ARAP1: variants seen among roughly 807,000 people sequenced by gnomAD.
ARAP1 encodes arf-GAP with Rho-GAP domain, ANK repeat and PH domain-containing protein 1.
A neutral mutation model predicts 172.2 loss-of-function variants in ARAP1; 76 were observed. The ratio of observed to expected loss-of-function variants is 0.44; its 90% CI spans 0.37 to 0.53. ARAP1 has a LOEUF of 0.53. ARAP1 is among the 20% of genes least tolerant of loss of function. The pLI is 0.00. For synonymous variants in ARAP1, 804 were observed against 803.3 expected (o/e 1.00, Z -0.01); for missense variants, 1,686 against 1,977.5 (o/e 0.85, Z 2.80).
In ARAP1 at chr11:72,727,208, G is replaced by C. The variant is rs1029130980; in HGVS notation, c.-44-36C>G. 69 of 1,452,168 alleles carry C rather than the reference G, an allele frequency of 4.8e-5. 3 individuals carry two copies. In the South Asian group the frequency reaches 8.9e-4, roughly 19 times the overall value. The allele number at this position is 1,452,168 out of a possible 1,614,324, so 90.0% of individuals were successfully genotyped here. A position where few individuals can be genotyped will look rare whatever the true frequency, so the allele number is the denominator to read the frequency against. On this transcript the variant is annotated intron_variant, in intron 2 of 34. Coordinates refer to ENST00000393609, the MANE Select transcript of ARAP1 (RefSeq NM_001040118.3). ...CAGACAGGCACAGGTCAGAGGCAGG[G>C]CTGCCGAGGATTGGTCCCCTCACCA...
At chr11:72,700,705 T>A (rs1158485773) in intron 16 of ARAP1, among the ~76,000 whole-genome samples, 1 of 152,178 alleles carries the variant, frequency 6.6e-6, no homozygotes, top group African/African-American at 2.4e-5. Context: ...GTAAGTGGTG[T>A]GAAGAAAATG....
At position 72,710,391 on chromosome 11, in the gene ARAP1, A is replaced by G. The variant is rs1414645254; in HGVS notation, c.1410T>C (p.Asn470=). The G allele has an allele frequency of 1.2e-6, 2 of 1,613,800 alleles. No homozygotes were observed. The highest frequency in any genetic ancestry group is 8.5e-7 in the Non-Finnish European group (1 of 1,179,932). Reference sequence around the variant, plus strand: ...TTCCATGACCCCTTAGCACCTCTAGATTCTTGTAGAGCTGCACTTTGTCCC... The same window carrying G: ...TTCCATGACCCCTTAGCACCTCTAGGTTCTTGTAGAGCTGCACTTTGTCCC... ...VVGDKVQLYK[N]LEEYHLGIGI... The change falls in exon 10 of 35, where the codon AAT becomes AAC. Residue 470 remains asparagine (N), a synonymous_variant. Transcript: ENST00000393609. This position sits in a 1 kb window ranked among gnomAD's most constrained non-coding sequence, Gnocchi z 4.3.
chr11:72,740,885 C>G (rs1445741627), intron 1 of ARAP1, among the ~76,000 whole-genome samples: 4 of 152,164 alleles, frequency 2.6e-5, no homozygotes, highest in Middle Eastern at 3.2e-3. Flanking sequence ...ACCTACCACA[C>G]CTTAAGCCTC....
chr11:72,701,835 T>C (rs761084749), intron 15 of ARAP1, 52 bp from the exon 16 acceptor site: 2 of 1,594,574 alleles, frequency 1.3e-6, no homozygotes, highest in Non-Finnish European at 1.7e-6. Context: ...CAAGAGGGTG[T>C]CCCCACCTCA....
chr11:72,712,594 A>C, intron 5 of ARAP1, 26 bp from the exon 6 acceptor site: 2 of 1,609,564 alleles, frequency 1.2e-6, no homozygotes, highest in Non-Finnish European at 1.7e-6. Flanking sequence ...ACTCAGCGTC[A>C]TCCTTCCCTT....
chr11:72,723,577 G>T (rs552334254), intron 3 of ARAP1, among the ~76,000 whole-genome samples: 1 of 152,314 alleles, frequency 6.6e-6, no homozygotes, highest in South Asian at 2.1e-4. Context: ...GGATGACGTA[G>T]GTTGGGTAGT....
chr11:72,685,261 C>G lies in ARAP1; in HGVS notation c.*403G>C, dbSNP rs1055487054. 2 of 235,192 alleles carry G rather than the reference C, an allele frequency of 8.5e-6. No homozygotes were observed. The highest frequency in any genetic ancestry group is 8.5e-6 in the Non-Finnish European group (1 of 118,058). 14.6% of individuals were successfully genotyped at this position (235,192 alleles called of 1,614,324 possible). A position where few individuals can be genotyped will look rare whatever the true frequency, so the allele number is the denominator to read the frequency against. ...GAGCTGAGTGCTCCTCTACAGCACC[C>G]GCTTTCTGCTGTTCTGGAGTTTGTT... is the stretch of plus-strand genomic sequence containing the variant. On this transcript the variant is annotated 3_prime_UTR_variant, in exon 35 of 35. Transcript: ENST00000393609.
In ARAP1 at chr11:72,726,405, G is replaced by T. The variant is rs185138681; in HGVS notation, c.509+215C>A. Reference sequence around the variant, plus strand: ...AAACCTGGAGGCCTCACTGGCACACGCCCAGCAGCCCAGGCACTGCGCTGA... The same window carrying T: ...AAACCTGGAGGCCTCACTGGCACACTCCCAGCAGCCCAGGCACTGCGCTGA... On this transcript the variant is annotated intron_variant, in intron 3 of 34. Transcript: ENST00000393609. This position sits in a 1 kb window ranked among gnomAD's most constrained non-coding sequence, Gnocchi z 6.5. 1.3e-5 allele frequency among the ~76,000 whole-genome samples: 2 copies of T among 152,138 alleles called. 1 individual carries two copies. The highest frequency in any genetic ancestry group is 3.9e-4 in the East Asian group (2 of 5,186).
In ARAP1 at chr11:72,699,643, G is replaced by T. The variant is rs1052509505; in HGVS notation, c.2303-91C>A. The T allele has an allele frequency of 1.9e-4, 289 of 1,491,100 alleles. No individual in the cohort carries two copies. Among genetic ancestry groups the T allele is most frequent in the South Asian group, 3.8e-5 (3 of 79,282 alleles). The allele number at this position is 1,491,100 out of a possible 1,614,324, so 92.4% of individuals were successfully genotyped here. A position where few individuals can be genotyped will look rare whatever the true frequency, so the allele number is the denominator to read the frequency against. On this transcript the variant is annotated intron_variant, in intron 16 of 34. Transcript: ENST00000393609. This position sits in a 1 kb window ranked among gnomAD's most constrained non-coding sequence, Gnocchi z 4.2. Reference sequence around the variant, plus strand: ...CCTCCCGGGGCTCCTGCTCCCATCTGACCCATGAGCTCTTCATTCTCTCAA... The same window carrying T: ...CCTCCCGGGGCTCCTGCTCCCATCTTACCCATGAGCTCTTCATTCTCTCAA...
At position 72,702,984 on chromosome 11, in the gene ARAP1, C is replaced by T; in HGVS notation, c.2088G>A (p.Glu696=). 1 of 1,567,994 alleles carries T rather than the reference C, an allele frequency of 6.4e-7. No individual in the cohort carries two copies. Among genetic ancestry groups the T allele is most frequent in the Non-Finnish European group, 8.6e-7 (1 of 1,158,176 alleles). ...CTGCAAGAGCCAGGGGCGTGGGGGC[C>T]TCAGGGTCCCCCGAGAAGCAGTTGA... ...AGINCFSGDP[E]APTPLALAEQ... Residue 696 remains glutamate (E), a synonymous_variant, in exon 15 of 35, where the codon GAG becomes GAA. Coordinates refer to ENST00000393609, the MANE Select transcript of ARAP1 (RefSeq NM_001040118.3).
In ARAP1 at chr11:72,704,285, T is replaced by C. The variant is rs559550304; in HGVS notation, c.1859A>G (p.Asn620Ser). 8.4e-5 allele frequency: 136 copies of C among 1,611,704 alleles called. 1 individual carries two copies. Among genetic ancestry groups the C allele is most frequent in the Admixed American group, 2.7e-4 (16 of 59,680 alleles). Residue 620 changes from asparagine (N) to serine (S), a missense_variant, in exon 14 of 35, where the codon AAC becomes AGC. By Grantham distance (46) the Asn-to-Ser change is conservative. Around this residue, in one of 5 missense-constraint regions of ARAP1, gnomAD observed 688 missense variants for 856.9 expected, o/e 0.80. Coordinates refer to ENST00000393609, the MANE Select transcript of ARAP1 (RefSeq NM_001040118.3). ...CTGCAGGGCCTCACTGGGGGGCACGTTGGCTGCCCAGAAGCGGTTCCCAGC... is the reference window on the plus strand; with the variant it reads ...CTGCAGGGCCTCACTGGGGGGCACGCTGGCTGCCCAGAAGCGGTTCCCAGC... Reference protein sequence around the residue: ...NGAGNRFWAANVPPSEALQPS... With the variant: ...NGAGNRFWAASVPPSEALQPS...
intron 5 of ARAP1, chr11:72,712,909 C>G (rs1180346295): frequency 8.4e-6 from 5 of 597,146 alleles, no homozygotes; most frequent in African/African-American, 5.6e-5. Flanking sequence ...ACACGAGTTC[C>G]TAACACACAG....
intron 11 of ARAP1, among the ~76,000 whole-genome samples, chr11:72,708,017 G>A (rs924970530): frequency 7.9e-5 from 12 of 151,870 alleles, no homozygotes; most frequent in Admixed American, 1.3e-4. Flanking sequence ...ACCTGTGGCC[G>A]CTATAGCATG....
chr11:72,693,591 G>A lies in ARAP1; in HGVS notation c.3808+101C>T, dbSNP rs1244366262. 3.7e-5 allele frequency: 57 copies of A among 1,528,184 alleles called. No individual in the cohort carries two copies. Among genetic ancestry groups the A allele is most frequent in the Non-Finnish European group, 4.4e-5 (50 of 1,131,706 alleles). 94.7% of individuals were successfully genotyped at this position (1,528,184 alleles called of 1,614,324 possible). On this transcript the variant is annotated intron_variant, in intron 28 of 34. Coordinates refer to ENST00000393609, the MANE Select transcript of ARAP1 (RefSeq NM_001040118.3). The surrounding 1 kb of genome is among the most constrained non-coding windows in gnomAD (Gnocchi z 4.6). The stretch of plus-strand genomic sequence containing the variant: ...CTCCATAGAGGCCCACCCACTTGGC[G>A]CCCTCTGTCTGAGCTGTTCCTACCT...
intron 11 of ARAP1, among the ~76,000 whole-genome samples, chr11:72,709,005 C>T (rs1856890817): frequency 1.3e-5 from 2 of 149,670 alleles, no homozygotes; most frequent in South Asian, 4.2e-4. Flanking sequence ...CCACTGCACA[C>T]CAGCCTGGGA....
rs536119393 is a variant in ARAP1, at chr11:72,718,677, G to A, written c.510-4356C>T. On this transcript the variant is annotated intron_variant, in intron 3 of 34. Transcript: ENST00000393609. Reference sequence around the variant, plus strand: ...TATTCCCGAGAGACTAGGCACCCCGGGCAGCTAAGGGGTTGGTTCACCCCA... The same window carrying A: ...TATTCCCGAGAGACTAGGCACCCCGAGCAGCTAAGGGGTTGGTTCACCCCA... 8.5e-5 allele frequency among the ~76,000 whole-genome samples: 13 copies of A among 152,204 alleles called. No individual in the cohort carries two copies. The East Asian group carries it at 2.5e-3, about 29-fold the overall frequency.
At chr11:72,709,820 A>G (rs1274016687) in intron 11 of ARAP1, 50 bp downstream of exon 11, 1 of 1,588,336 alleles carries the variant, frequency 6.3e-7, no homozygotes, top group Non-Finnish European at 8.6e-7. Context: ...CAAAAGGAAA[A>G]CATTAGGAAG....
intron 13 of ARAP1, chr11:72,705,116 T>TC (rs984897499): frequency 6.6e-6 from 1 of 152,264 alleles, no homozygotes; most frequent in African/African-American, 2.4e-5. Context: ...GATGTGACAC[T>TC]CCAAGTGTCT....
intron 3 of ARAP1, among the ~76,000 whole-genome samples, chr11:72,717,425 C>A (rs1360185365): frequency 6.6e-6 from 1 of 152,116 alleles, no homozygotes; most frequent in African/African-American, 2.4e-5. Flanking sequence ...GTCTGAGGGC[C>A]AGAGCTGAGG....
Sources: allele counts gnomAD v4.1 joint callset (sites outside exome capture counted in the v4.1 genomes callset), GRCh38; gene constraint gnomAD v4.1.1; regional missense constraint gnomAD v4.1.1; non-coding constraint Gnocchi (gnomAD v3.1); transcripts MANE v1.5; gene names NCBI Gene and HGNC (gene_info 2026-07-23, HGNC 2026-07-21).